Variants in ADGRL3 observed in about 807,000 individuals in gnomAD.
ADGRL3 encodes adhesion G protein-coupled receptor L3.
In ADGRL3, 62 loss-of-function variants were observed where a neutral mutation model predicts 153.5. The ratio of observed to expected loss-of-function variants is 0.40; its 90% CI spans 0.33 to 0.50. The LOEUF (loss-of-function observed/expected upper bound fraction) is 0.50, where lower values mean the gene tolerates loss of function less well. Ranked by LOEUF, ADGRL3 falls within the 20% of genes least tolerant of loss-of-function variation. The probability of loss-of-function intolerance (pLI) is 0.47; values close to 1 mark genes in which losing one functional copy is unlikely to be tolerated. For missense variants in ADGRL3, 1,641 were observed against 1,859.4 expected (o/e 0.88, Z 2.16); for synonymous variants, 710 against 672.5 (o/e 1.06, Z -0.86).
Position 61,909,773 on chromosome 4 carries a change from GT to G in ADGRL3, c.2073+29del, listed in dbSNP as rs1560361561. 18 of 1,268,564 alleles carry G rather than the reference GT, an allele frequency of 1.4e-5. No homozygotes were observed. The South Asian group carries it at 2.9e-4, about 20-fold the overall frequency. 78.6% of individuals were successfully genotyped at this position (1,268,564 alleles called of 1,614,324 possible). A position where few individuals can be genotyped will look rare whatever the true frequency, so the allele number is the denominator to read the frequency against. On this transcript the variant is annotated intron_variant, in intron 12 of 26. Coordinates refer to ENST00000683033, the MANE Select transcript of ADGRL3 (RefSeq NM_001387552.1). ...AAGGACCCTAATTATGTGTGTGTGTGTGTGTGTGTGTGTGTGTGTGTGTGTG... is the reference window on the plus strand; with the variant it reads ...AAGGACCCTAATTATGTGTGTGTGTGGTGTGTGTGTGTGTGTGTGTGTGTG...
rs1561350947 is a variant in ADGRL3, at chr4:61,847,717, T to TAAAATATATTATATATATAATAC, written c.1480+33846_1480+33868dup. 7.6e-3 allele frequency among the ~76,000 whole-genome samples: 243 copies of TAAAATATATTATATATATAATAC among 31,826 alleles called. 27 individuals carry two copies. The highest frequency in any genetic ancestry group is 0.012 in the East Asian group (16 of 1,344). 20.9% of individuals were successfully genotyped at this position (31,826 alleles called of 152,430 possible). ...TATAAAATATATTATATATATAATA[T>TAAAATATATTATATATATAATAC]AAAATATATTATATATATAATACAA... On this transcript the variant is annotated intron_variant, in intron 9 of 26. Transcript: ENST00000683033.
intron 4 of ADGRL3, chr4:61,583,656 T>C (rs762618606): frequency 3.9e-6 from 2 of 518,232 alleles, no homozygotes; most frequent in South Asian, 2.8e-5. Context: ...ATCAGAGATG[T>C]TTAATTAGTT....
intron 9 of ADGRL3, among the ~76,000 whole-genome samples, chr4:61,856,960 CTT>C (rs1195792062): frequency 1.5e-5 from 1 of 67,062 alleles, no homozygotes; most frequent in African/African-American, 5.4e-5. Context: ...CTCTTTCTTT[CTT>C]TCTTTCTTTC....
In ADGRL3 at chr4:61,830,387, A is replaced by T. The variant is rs77710638; in HGVS notation, c.1480+16498A>T. Among the ~76,000 whole-genome samples, 1,232 of 152,260 alleles carry T rather than the reference A, an allele frequency of 8.1e-3. 16 individuals are homozygous for T. Among genetic ancestry groups the T allele is most frequent in the African/African-American group, 0.028 (1,156 of 41,542 alleles). Reference sequence around the variant, plus strand: ...TTCTCTCTAAACAAACAAACAAAACAAACAGACAAAAAAGAAGTAATGTTC... The same window carrying T: ...TTCTCTCTAAACAAACAAACAAAACTAACAGACAAAAAAGAAGTAATGTTC... On this transcript the variant is annotated intron_variant, in intron 9 of 26. Coordinates refer to ENST00000683033, the MANE Select transcript of ADGRL3 (RefSeq NM_001387552.1).
intron 1 of ADGRL3, among the ~76,000 whole-genome samples, chr4:61,287,497 T>A (rs2150092210): frequency 6.6e-6 from 1 of 152,114 alleles, no homozygotes; most frequent in South Asian, 2.1e-4. Flanking sequence ...TAATTTACTA[T>A]TTTTATACTA....
At chr4:61,637,476 A>G (rs1579994934) in intron 5 of ADGRL3, among the ~76,000 whole-genome samples, 1 of 152,154 alleles carries the variant, frequency 6.6e-6, no homozygotes, top group South Asian at 2.1e-4. Flanking sequence ...GTAAAAGGTC[A>G]GTAGAGGCCT....
chr4:61,767,433 A>G (rs2097005972), intron 8 of ADGRL3, among the ~76,000 whole-genome samples: 1 of 152,058 alleles, frequency 6.6e-6, no homozygotes, highest in African/African-American at 2.4e-5. Context: ...AAAAGAACGT[A>G]ATGTGGAGTG....
At chr4:61,633,118 T>C (rs2150051352) in intron 5 of ADGRL3, among the ~76,000 whole-genome samples, 1 of 152,214 alleles carries the variant, frequency 6.6e-6, no homozygotes, top group Middle Eastern at 3.4e-3. Flanking sequence ...AATTGCATTG[T>C]GTCCTCATAT....
intron 11 of ADGRL3, among the ~76,000 whole-genome samples, chr4:61,907,450 G>T (rs1415635057): frequency 6.6e-6 from 1 of 151,854 alleles, no homozygotes; most frequent in South Asian, 2.1e-4. Flanking sequence ...CTAGAGACAG[G>T]GTTTCACCAT....
chr4:61,272,639 A>T (rs1018861511), intron 1 of ADGRL3, among the ~76,000 whole-genome samples: 7 of 152,140 alleles, frequency 4.6e-5, no homozygotes, highest in Non-Finnish European at 5.9e-5. Context: ...TGTGACGCTA[A>T]TTAAAACCAA....
chr4:61,962,858 T>C (rs1181766901), intron 17 of ADGRL3, among the ~76,000 whole-genome samples: 4 of 152,208 alleles, frequency 2.6e-5, no homozygotes, highest in African/African-American at 4.8e-5. Context: ...TCCTTTATTG[T>C]TCCCCAAATA....
At chr4:61,811,191 G>A (rs1370055062) in intron 8 of ADGRL3, among the ~76,000 whole-genome samples, 2 of 152,084 alleles carry the variant, frequency 1.3e-5, no homozygotes, top group Admixed American at 6.6e-5. Context: ...GCTCAAAGCA[G>A]CATTGTTCAC....
rs112994844 is a variant in ADGRL3, at chr4:61,373,235, C to T, written c.-239-9889C>T. Among the ~76,000 whole-genome samples the T allele has an allele frequency of 8.9e-3, 1,356 of 152,302 alleles. 14 individuals are homozygous for T. The highest frequency in any genetic ancestry group is 0.02 in the South Asian group (96 of 4,826). On this transcript the variant is annotated intron_variant, in intron 1 of 26. Transcript: ENST00000683033. ...TAGACCGGAGCTGTTCCTATTCGGC[C>T]ATCTTGGCTCCTCTAACTCTGTCGC... is the stretch of plus-strand genomic sequence containing the variant.
At chr4:61,451,861 G>A (rs1169468581) in intron 2 of ADGRL3, among the ~76,000 whole-genome samples, 1 of 152,164 alleles carries the variant, frequency 6.6e-6, no homozygotes, top group African/African-American at 2.4e-5. Flanking sequence ...ATAGAGGTCA[G>A]TTTCCCAGAA....
intron 16 of ADGRL3, 65 bp from the exon 17 acceptor site, chr4:61,948,035 A>G: frequency 7.4e-7 from 1 of 1,358,924 alleles, no homozygotes; most frequent in Non-Finnish European, 1.0e-6. Context: ...TGTAAAGAAA[A>G]TGCCAACCTA....
intron 17 of ADGRL3, among the ~76,000 whole-genome samples, chr4:61,973,066 C>G (rs1261629844): frequency 6.6e-6 from 1 of 151,606 alleles, no homozygotes; most frequent in Non-Finnish European, 1.5e-5. Context: ...TGTATCCCAT[C>G]TGGAAACACT....
chr4:61,833,555 T>TG (rs1204145868), intron 9 of ADGRL3, among the ~76,000 whole-genome samples: 2 of 151,602 alleles, frequency 1.3e-5, no homozygotes, highest in African/African-American at 4.8e-5. Context: ...AATTCCTGGG[T>TG]GGGGGCCACA....
chr4:62,011,107 C>T (rs963387613), intron 21 of ADGRL3, among the ~76,000 whole-genome samples: 2 of 152,072 alleles, frequency 1.3e-5, no homozygotes, highest in Non-Finnish European at 2.9e-5. Flanking sequence ...AGATTTGGAA[C>T]TGTACATTCA....
chr4:61,213,346 A>G (rs1741030527), intron 1 of ADGRL3, among the ~76,000 whole-genome samples: 1 of 152,104 alleles, frequency 6.6e-6, no homozygotes, highest in South Asian at 2.1e-4. Flanking sequence ...CTCCACATAC[A>G]TCATTTGTGC....
Sources: gnomAD v4.1 joint callset for allele counts (sites outside exome capture counted in the v4.1 genomes callset) on GRCh38, gnomAD v4.1.1 for gene constraint, MANE v1.5 for transcripts, NCBI Gene and HGNC (gene_info 2026-07-23, HGNC 2026-07-21) for gene names.